DNMBP: variants seen among roughly 807,000 people sequenced by gnomAD.
The protein encoded by DNMBP is dynamin binding protein.
In DNMBP, 87 loss-of-function variants were observed where a neutral mutation model predicts 150.0. That is an observed-to-expected ratio of 0.58 (90% CI 0.49 to 0.69). DNMBP has a LOEUF of 0.69. DNMBP is among the 30% of genes least tolerant of loss of function. The pLI, the probability that DNMBP is intolerant of heterozygous loss-of-function variation, is 0.00. For synonymous variants in DNMBP, 711 were observed against 750.4 expected (o/e 0.95, Z 0.86); for missense variants, 1,774 against 1,949.0 (o/e 0.91, Z 1.69).
At chr10:99,941,796 A>C (rs1391213281) in intron 4 of DNMBP, among the ~76,000 whole-genome samples, 1 of 152,016 alleles carries the variant, frequency 6.6e-6, no homozygotes, top group Non-Finnish European at 1.5e-5. Context: ...CCTCACATCT[A>C]ATCCACCAGC....
At chr10:99,889,547 A>G (rs1323114866) in intron 11 of DNMBP, 1 of 152,304 alleles carries the variant, frequency 6.6e-6, no homozygotes, top group Non-Finnish European at 1.5e-5. Context: ...ACAAAGGTAG[A>G]GACTTTTGTC....
chr10:99,997,927 C>CCAA, intron 1 of DNMBP, among the ~76,000 whole-genome samples: 1 of 22,330 alleles, frequency 4.5e-5, no homozygotes, highest in African/African-American at 1.7e-4. Context: ...GACTCTGTCT[C>CCAA]AAAAAAAAAA....
At chr10:99,958,661 C>A (rs1466878990) in intron 3 of DNMBP, among the ~76,000 whole-genome samples, 1 of 152,174 alleles carries the variant, frequency 6.6e-6, no homozygotes, top group Non-Finnish European at 1.5e-5. Flanking sequence ...CTTAAAGATT[C>A]TTCTGATGAG....
chr10:99,897,983 C>T, intron 9 of DNMBP, 103 bp downstream of exon 9: 2 of 951,404 alleles, frequency 2.1e-6, no homozygotes, highest in South Asian at 2.8e-5. Flanking sequence ...CCTATTATAC[C>T]TACCACCTGC....
rs371346797 is a variant in DNMBP at position 99,882,435 on chromosome 10, T to A, written c.3997+1576A>T. Among the ~76,000 whole-genome samples, 12 of 152,166 alleles carry A rather than the reference T, an allele frequency of 7.9e-5. No individual in the cohort carries two copies. In the East Asian group the frequency reaches 1.9e-3, roughly 24 times the overall value. On this transcript the variant is annotated intron_variant, in intron 15 of 16. Transcript: ENST00000324109. ...GGAGACTGTCTCTACTAAAATAAAA[T>A]TAACTGGGCATGGTCACGCATGCCT... is the stretch of plus-strand genomic sequence containing the variant.
intron 4 of DNMBP, among the ~76,000 whole-genome samples, chr10:99,954,038 CTT>C (rs148676130): frequency 6.9e-6 from 1 of 144,764 alleles, no homozygotes. Flanking sequence ...GTATGAGATT[CTT>C]TTTTTTTTTG....
chr10:99,936,563 G>A (rs547183710), intron 4 of DNMBP, among the ~76,000 whole-genome samples: 118 of 149,770 alleles, frequency 7.9e-4, no homozygotes, highest in African/African-American at 2.7e-3. Flanking sequence ...TGCCCAGGCC[G>A]GAGTGCAGTG....
chr10:99,910,493 T>C (rs1444528893), intron 4 of DNMBP, among the ~76,000 whole-genome samples: 1 of 152,214 alleles, frequency 6.6e-6, no homozygotes, highest in East Asian at 1.9e-4. Flanking sequence ...CGACACGAGA[T>C]AGTGCCATTA....
In DNMBP at chr10:99,969,118, G is replaced by A. The variant is rs1043169646; in HGVS notation, c.265C>T (p.Arg89Ter). Residue 89 changes from arginine to a stop codon, truncating the protein, a stop_gained, in exon 3 of 17, where the codon CGA (arginine) becomes TGA (stop). Coordinates refer to ENST00000324109, the MANE Select transcript of DNMBP (RefSeq NM_015221.4). LOFTEE classifies it high-confidence loss of function. ...TACTATTTGATGAGCAGCTTACCTC[G>A]ATGGAGGGGAAGATTATCCAACTCT... ...SQELDNLPLH[R>*]GDLVILDGIP... 2 of 1,613,972 alleles carry A rather than the reference G, an allele frequency of 1.2e-6. No individual in the cohort carries two copies. Among genetic ancestry groups the A allele is most frequent in the Non-Finnish European group, 1.7e-6 (2 of 1,179,940 alleles).
chr10:100,001,251 A>G (rs1454743383), intron 1 of DNMBP, among the ~76,000 whole-genome samples: 2 of 117,960 alleles, frequency 1.7e-5, no homozygotes, highest in East Asian at 5.1e-4. Context: ...AAAAAAAAAA[A>G]AAAAAAAAAA....
chr10:99,885,491 C>T (rs1014500486), intron 14 of DNMBP, among the ~76,000 whole-genome samples, 196 bp downstream of exon 14: 1 of 151,474 alleles, frequency 6.6e-6, no homozygotes. Context: ...AGCCTGGCAA[C>T]AGAATGAGAT....
intron 4 of DNMBP, among the ~76,000 whole-genome samples, chr10:99,915,112 T>A (rs59773475): frequency 0.012 from 986 of 80,116 alleles, 8 homozygotes; most frequent in East Asian, 0.054. Flanking sequence ...AAAAAAAATA[T>A]ATATATATAT....
At chr10:99,879,758 A>AC (rs1383834488) in intron 16 of DNMBP, 53 bp downstream of exon 16, 13 of 1,598,530 alleles carry the variant, frequency 8.1e-6, no homozygotes, top group Non-Finnish European at 1.1e-5. Flanking sequence ...GCTGGTACCC[A>AC]CAACACATCT....
Position 99,955,556 on chromosome 10 carries a change from G to T in DNMBP, c.1918C>A (p.Arg640=). Residue 640 remains arginine (R), a synonymous_variant, in exon 4 of 17, where the codon CGA becomes AGA. Transcript: ENST00000324109. The stretch of plus-strand genomic sequence containing the variant: ...GGCAGGGGAGCTGGGCGAGAGGGTC[G>T]CACCACCAAGGGTGGTGCAGGTTTT... The part of the protein sequence containing the change: ...NLKPAPPLVV[R]PSRPAPLPPS... 6.2e-7 allele frequency: 1 copy of T among 1,601,174 alleles called. No homozygotes were observed. Among genetic ancestry groups the T allele is most frequent in the Non-Finnish European group, 8.5e-7 (1 of 1,174,258 alleles).
At position 99,894,990 on chromosome 10, in the gene DNMBP, T is replaced by G; in HGVS notation, c.3112A>C (p.Lys1038Gln). The change falls in exon 11 of 17, where the codon AAG becomes CAG. Residue 1038 changes from lysine to glutamine, a missense_variant. This residue lies in a region of DNMBP where 1,430 missense variants were observed against 1,492.5 expected (regional missense o/e 0.96). Transcript: ENST00000324109. ...AGAGACAGGTCTCGGATAAAAGACT[T>G]AATCAATCTTTCTTGCATTCGGAAG... is the stretch of plus-strand genomic sequence containing the variant. The part of the protein sequence containing the change: ...KNFRMQERLI[K>Q]SFIRDLSLYL... 6.2e-7 allele frequency: 1 copy of G among 1,614,082 alleles called. No homozygotes were observed. The highest frequency in any genetic ancestry group is 8.5e-7 in the Non-Finnish European group (1 of 1,179,960).
chr10:99,986,344 T>C (rs1269850087), intron 1 of DNMBP, among the ~76,000 whole-genome samples: 12 of 151,646 alleles, frequency 7.9e-5, no homozygotes, highest in Admixed American at 7.9e-4. Flanking sequence ...ACCCCATCTC[T>C]GGAAAAAAAA....
intron 4 of DNMBP, among the ~76,000 whole-genome samples, chr10:99,932,094 C>G (rs902502144): frequency 5.3e-5 from 8 of 152,176 alleles, no homozygotes; most frequent in Non-Finnish European, 7.4e-5. Context: ...GGTTTTTGAG[C>G]AGGGGAAACA....
intron 4 of DNMBP, among the ~76,000 whole-genome samples, chr10:99,935,244 T>C (rs1024406845): frequency 7.9e-5 from 12 of 152,148 alleles, no homozygotes; most frequent in African/African-American, 2.7e-4. Context: ...ATCATCATCA[T>C]TAGCAAATGA....
chr10:99,935,109 A>G lies in DNMBP; in HGVS notation c.2260+20105T>C, dbSNP rs796386651. On this transcript the variant is annotated intron_variant, in intron 4 of 16. Coordinates refer to ENST00000324109, the MANE Select transcript of DNMBP (RefSeq NM_015221.4). ...CCACAAAAAAAAAAAAAAAAAAAAA[A>G]AAAAGAAAAGAAAAAGGGAAGAAAT... is the stretch of plus-strand genomic sequence containing the variant. Among the ~76,000 whole-genome samples, 1,127 of 150,538 alleles carry G rather than the reference A, an allele frequency of 7.5e-3. 13 individuals are homozygous for G. Among genetic ancestry groups the G allele is most frequent in the Middle Eastern group, 0.041 (12 of 290 alleles).
Sources: allele counts gnomAD v4.1 joint callset (sites outside exome capture counted in the v4.1 genomes callset), GRCh38; gene constraint gnomAD v4.1.1; regional missense constraint gnomAD v4.1.1; transcripts MANE v1.5; gene names NCBI Gene and HGNC (gene_info 2026-07-23, HGNC 2026-07-21).